The following DPH6 variants were observed in gnomAD, a reference collection of about 807,000 sequenced individuals.
The protein encoded by DPH6 is diphthine--ammonia ligase.
Under a neutral mutation model 38.2 loss-of-function variants are expected in DPH6, and 33 were observed. The ratio of observed to expected loss-of-function variants is 0.86; its 90% confidence interval spans 0.65 to 1.15. DPH6 has a LOEUF of 1.15. DPH6 is among the 50% of genes most tolerant of loss of function. The probability of loss-of-function intolerance (pLI) is 0.00; values close to 1 mark genes in which losing one functional copy is unlikely to be tolerated. For synonymous variants in DPH6, 108 were observed against 103.0 expected (o/e 1.05, Z -0.30); for missense variants, 325 against 320.0 (o/e 1.02, Z -0.12).
intron 6 of DPH6, among the ~76,000 whole-genome samples, chr15:35,407,820 T>G (rs2053314460): frequency 6.6e-6 from 1 of 151,936 alleles, no homozygotes. Flanking sequence ...CGGTAGAAGA[T>G]GAGCCTGAAA....
intron 3 of DPH6, among the ~76,000 whole-genome samples, chr15:35,333,792 A>G (rs891079123): frequency 5.9e-5 from 9 of 152,190 alleles, no homozygotes; most frequent in Non-Finnish European, 1.2e-4. Context: ...GTGAAGGAAT[A>G]TAAATTATTC....
intron 3 of DPH6, among the ~76,000 whole-genome samples, chr15:35,279,426 C>G (rs2051882660): frequency 6.6e-6 from 1 of 151,966 alleles, no homozygotes; most frequent in Non-Finnish European, 1.5e-5. Flanking sequence ...GAAGTTTGCT[C>G]CCTCCAAATG....
chr15:35,358,761 T>G (rs1371984390), intron 3 of DPH6, among the ~76,000 whole-genome samples: 1 of 152,208 alleles, frequency 6.6e-6, no homozygotes, highest in Non-Finnish European at 1.5e-5. Flanking sequence ...CAGCCAGAGA[T>G]ACCAACACCT....
At chr15:35,182,220 ATTTTTT>A in the DPH6 span, among the ~76,000 whole-genome samples, 7 of 86,042 alleles carry the variant, frequency 8.1e-5, no homozygotes, top group Admixed American at 1.3e-4. Context: ...AACTCTAAGA[ATTTTTT>A]TTTTTTTTTT....
At chr15:35,197,457 A>G in the DPH6 span, among the ~76,000 whole-genome samples, 4 of 152,316 alleles carry the variant, frequency 2.6e-5, no homozygotes, top group East Asian at 7.7e-4. Flanking sequence ...CCTCCCCAAA[A>G]GAGAAAAAAA....
At chr15:35,232,797 A>T (rs2051527304) in intron 3 of DPH6, among the ~76,000 whole-genome samples, 1 of 152,220 alleles carries the variant, frequency 6.6e-6, no homozygotes, top group Non-Finnish European at 1.5e-5. Flanking sequence ...CAGGCAGCCT[A>T]GCAATATTTA....
chr15:35,165,671 A>G, the DPH6 span, among the ~76,000 whole-genome samples: 2 of 151,934 alleles, frequency 1.3e-5, no homozygotes, highest in Non-Finnish European at 2.9e-5. Flanking sequence ...TGAGCCCAAA[A>G]GTTATTTCAA....
intron 3 of DPH6, among the ~76,000 whole-genome samples, chr15:35,233,982 C>T (rs1474227032): frequency 3.9e-5 from 6 of 152,130 alleles, no homozygotes; most frequent in Non-Finnish European, 8.8e-5. Context: ...TCAAAAGATA[C>T]TCTGTTTATT....
chr15:35,332,858 G>A (rs546099077), intron 3 of DPH6, among the ~76,000 whole-genome samples: 20 of 151,980 alleles, frequency 1.3e-4, no homozygotes, highest in Admixed American at 1.0e-3. Context: ...AAGCAATAAA[G>A]GAGAAAAAGA....
chr15:35,165,405 A>T, the DPH6 span, among the ~76,000 whole-genome samples: 4 of 152,032 alleles, frequency 2.6e-5, no homozygotes, highest in East Asian at 7.7e-4. Context: ...TTTAAAAGCC[A>T]TATAAAAATT....
chr15:35,227,174 CTTTTTTTTTTTTTTTT>C (rs71415001), intron 3 of DPH6, among the ~76,000 whole-genome samples: 2 of 77,080 alleles, frequency 2.6e-5, no homozygotes, highest in African/African-American at 9.9e-5. Context: ...ATAACATCTT[CTTTTTTTTTTTTTTTT>C]TTTTTTTTTT....
At chr15:35,146,511 GA>G in the DPH6 span, among the ~76,000 whole-genome samples, 1 of 152,078 alleles carries the variant, frequency 6.6e-6, no homozygotes, top group Non-Finnish European at 1.5e-5. Flanking sequence ...AGAGGGAGAA[GA>G]AAATTGATAT....
At chr15:35,439,021 A>G (rs907781983) in intron 5 of DPH6, among the ~76,000 whole-genome samples, 3 of 152,366 alleles carry the variant, frequency 2.0e-5, no homozygotes, top group African/African-American at 7.2e-5. Context: ...AAATAAAAGC[A>G]CAACAAAGTT....
downstream of DPH6, among the ~76,000 whole-genome samples, chr15:35,366,686 AC>A (rs983277942): frequency 2.4e-4 from 36 of 151,946 alleles, no homozygotes; most frequent in African/African-American, 8.2e-4. Context: ...CCCGGCCTCC[AC>A]CACCATTTTG....
At chr15:35,230,532 C>T (rs1175585686) in intron 3 of DPH6, among the ~76,000 whole-genome samples, 2 of 151,836 alleles carry the variant, frequency 1.3e-5, no homozygotes, top group South Asian at 2.1e-4. Flanking sequence ...GTGGCTGAGC[C>T]GGGATCCAAG....
chr15:35,458,461 A>G (rs943685078), intron 3 of DPH6, among the ~76,000 whole-genome samples: 1 of 152,136 alleles, frequency 6.6e-6, no homozygotes, highest in African/African-American at 2.4e-5. Flanking sequence ...GCAACTACAA[A>G]TAAAGGGCAA....
At chr15:35,520,793 CAT>C in intron 3 of DPH6, 2 of 984,812 alleles carry the variant, frequency 2.0e-6, no homozygotes, top group Non-Finnish European at 2.4e-6. Flanking sequence ...TATATCTAAT[CAT>C]ACCACCATAT....
At chr15:35,190,596 T>G in the DPH6 span, among the ~76,000 whole-genome samples, 3 of 152,220 alleles carry the variant, frequency 2.0e-5, no homozygotes, top group Admixed American at 6.5e-5. Flanking sequence ...AAGAGCAGTT[T>G]AGGGTGTTTC....
intron 3 of DPH6, chr15:35,521,745 G>C (rs1015900796): frequency 1.3e-5 from 16 of 1,232,152 alleles, no homozygotes; most frequent in Non-Finnish European, 1.5e-5. Context: ...GCTTGATTGT[G>C]AGCAATAGCT....
Sources: gnomAD v4.1 joint callset for allele counts (sites outside exome capture counted in the v4.1 genomes callset) on GRCh38, gnomAD v4.1.1 for gene constraint, MANE v1.5 for transcripts, NCBI Gene and HGNC (gene_info 2026-07-23, HGNC 2026-07-21) for gene names.